Variants in ZMYM4 observed in about 807,000 individuals in gnomAD.
ZMYM4 encodes zinc finger MYM-type protein 4.
In ZMYM4, 31 loss-of-function variants were observed where a neutral mutation model predicts 183.2. The ratio of observed to expected loss-of-function variants is 0.17; its 90% CI spans 0.13 to 0.23. The LOEUF (loss-of-function observed/expected upper bound fraction) is 0.23, where lower values mean the gene tolerates loss of function less well. Among genes scored for constraint, ZMYM4 ranks in the 10% least tolerant of loss-of-function variants. The pLI, the probability that ZMYM4 is intolerant of heterozygous loss-of-function variation, is 1.00. For synonymous variants in ZMYM4, 592 were observed against 631.2 expected (o/e 0.94, Z 0.93); for missense variants, 1,273 against 1,840.3 (o/e 0.69, Z 5.64).
intron 7 of ZMYM4, among the ~76,000 whole-genome samples, chr1:35,378,920 G>A (rs1343131413): frequency 1.3e-5 from 2 of 152,170 alleles, no homozygotes; most frequent in East Asian, 3.9e-4. Flanking sequence ...AACCGTATGA[G>A]CTAACCTCTG....
intron 1 of ZMYM4, among the ~76,000 whole-genome samples, chr1:35,279,732 T>C (rs1273767014): frequency 1.3e-5 from 2 of 152,226 alleles, no homozygotes; most frequent in Non-Finnish European, 2.9e-5. Flanking sequence ...GGCTTCCAGA[T>C]TCTCCTTTCT....
At chr1:35,312,095 T>G (rs1325897557) in intron 1 of ZMYM4, among the ~76,000 whole-genome samples, 1 of 152,114 alleles carries the variant, frequency 6.6e-6, no homozygotes. Flanking sequence ...ATGGAAAGTC[T>G]GTAGTTATAA....
chr1:35,302,327 C>G (rs1424977989), intron 1 of ZMYM4, among the ~76,000 whole-genome samples: 1 of 149,802 alleles, frequency 6.7e-6, no homozygotes, highest in African/African-American at 2.5e-5. Flanking sequence ...CTGCCTCAGC[C>G]TCTGGAGAAG....
At chr1:35,316,258 T>C (rs1642040569) in intron 1 of ZMYM4, among the ~76,000 whole-genome samples, 1 of 152,186 alleles carries the variant, frequency 6.6e-6, no homozygotes, top group South Asian at 2.1e-4. Flanking sequence ...TATTACAGTA[T>C]TGAAATTAGT....
chr1:35,387,272 C>T lies in ZMYM4; in HGVS notation c.2106C>T (p.Asp702=). Residue 702 remains aspartate (D), a synonymous_variant, in exon 12 of 30, where the codon GAC becomes GAT. Transcript: ENST00000314607. ...TTGCCACAAAACCAGAACTTCTTGA[C>T]TATAAGGTAAAGTATAGCATGTTCA... ...RLFATKPELL[D]YKGKMFQFCG... The T allele has an allele frequency of 6.2e-7, 1 of 1,613,846 alleles. No homozygotes were observed. The highest frequency in any genetic ancestry group is 8.5e-7 in the Non-Finnish European group (1 of 1,179,812).
intron 2 of ZMYM4, among the ~76,000 whole-genome samples, chr1:35,348,429 C>G (rs987719127): frequency 6.6e-6 from 1 of 152,180 alleles, no homozygotes; most frequent in East Asian, 1.9e-4. Flanking sequence ...TGATACACTT[C>G]GCTTTCTGTT....
At chr1:35,378,946 T>G (rs899327403) in intron 7 of ZMYM4, among the ~76,000 whole-genome samples, 1 of 152,232 alleles carries the variant, frequency 6.6e-6, no homozygotes, top group African/African-American at 2.4e-5. Flanking sequence ...TCTAAACTTC[T>G]GCAGCTTCTT....
intron 1 of ZMYM4, among the ~76,000 whole-genome samples, chr1:35,293,103 C>T (rs1640841657): frequency 1.3e-5 from 2 of 151,096 alleles, no homozygotes; most frequent in Admixed American, 1.3e-4. Flanking sequence ...TAGGCTCAAG[C>T]AACCCTCCCA....
intron 2 of ZMYM4, among the ~76,000 whole-genome samples, chr1:35,352,844 C>T (rs541623556): frequency 6.6e-6 from 1 of 152,286 alleles, no homozygotes; most frequent in South Asian, 2.1e-4. Context: ...TAAATAAACT[C>T]ACTGGGTGAT....
intron 23 of ZMYM4, chr1:35,404,743 T>G (rs1644971223): frequency 8.9e-6 from 2 of 225,838 alleles, no homozygotes; most frequent in Non-Finnish European, 8.6e-6. Context: ...TATTCATACC[T>G]CATCAGGTGA....
chr1:35,317,857 T>C (rs984708221), intron 1 of ZMYM4, among the ~76,000 whole-genome samples: 1 of 152,134 alleles, frequency 6.6e-6, no homozygotes, highest in African/African-American at 2.4e-5. Context: ...TGTGTAGATA[T>C]GTCACCTGAA....
chr1:35,307,179 T>TTTGAATTCTTAGTAGTATCA (rs1553165310), intron 1 of ZMYM4, among the ~76,000 whole-genome samples: 3 of 152,208 alleles, frequency 2.0e-5, no homozygotes, highest in Admixed American at 1.3e-4. Flanking sequence ...ACTTTCATCT[T>TTTGAATTCTTAGTAGTATCA]TTGAATTCTT....
chr1:35,388,761 C>G (rs1644637153), intron 13 of ZMYM4, 149 bp from the exon 14 acceptor site: 1 of 660,352 alleles, frequency 1.5e-6, no homozygotes, highest in Non-Finnish European at 2.6e-6. Flanking sequence ...TGGTCTCAAA[C>G]TCCTGGGCTC....
chr1:35,309,904 G>T (rs1311689128), intron 1 of ZMYM4, among the ~76,000 whole-genome samples: 2 of 149,026 alleles, frequency 1.3e-5, no homozygotes, highest in Non-Finnish European at 3.0e-5. Context: ...ATTTTGTGGG[G>T]TTTTTTTGTG....
At chr1:35,278,970 A>C (rs890702685) in intron 1 of ZMYM4, among the ~76,000 whole-genome samples, 1 of 152,172 alleles carries the variant, frequency 6.6e-6, no homozygotes, top group Admixed American at 6.5e-5. Flanking sequence ...GGAAAGAATA[A>C]AGGATCTCCG....
At chr1:35,380,527 CG>C (rs1292084487) in intron 7 of ZMYM4, among the ~76,000 whole-genome samples, 1 of 152,050 alleles carries the variant, frequency 6.6e-6, no homozygotes, top group African/African-American at 2.4e-5. Flanking sequence ...GGGGTTTCAC[CG>C]TGTTAGCCAG....
In ZMYM4 at chr1:35,361,275, G is replaced by A. The variant is rs987734347; in HGVS notation, c.669+20G>A. On this transcript the variant is annotated intron_variant, in intron 4 of 29. Transcript: ENST00000314607. ...TTTAGGGTAAGTTTTCAGTGTGTAT[G>A]TAGATTGCTGTAACTGTGACAAGTG... The A allele has an allele frequency of 4.4e-6, 7 of 1,583,824 alleles. No homozygotes were observed. The highest frequency in any genetic ancestry group is 6.0e-6 in the Non-Finnish European group (7 of 1,166,632).
chr1:35,360,346 G>A (rs566075016), intron 3 of ZMYM4, among the ~76,000 whole-genome samples: 1 of 152,148 alleles, frequency 6.6e-6, no homozygotes, highest in South Asian at 2.1e-4. Context: ...CTAACCTGGT[G>A]TAGTAAAATA....
chr1:35,414,009 C>T lies in ZMYM4; in HGVS notation c.3986C>T (p.Thr1329Ile), dbSNP rs769633190. 6.3e-7 allele frequency: 1 copy of T among 1,587,640 alleles called. No individual in the cohort carries two copies. Among genetic ancestry groups the T allele is most frequent in the South Asian group, 1.2e-5 (1 of 84,776 alleles). The stretch of plus-strand genomic sequence containing the variant: ...AATGGTAGAATAGATAACATTTTTA[C>T]TGAGCCCTATTCCAGATTTATGATT... ...FENGRIDNIFTEPYSRFMIEL... is the reference protein window; with the variant it reads ...FENGRIDNIFIEPYSRFMIEL... The change falls in exon 27 of 30, where the codon ACT becomes ATT. Residue 1329 changes from threonine (T) to isoleucine (I), a missense_variant. By Grantham distance (89) the Thr-to-Ile change is moderately conservative. Transcript: ENST00000314607.
Sources: gnomAD v4.1 joint callset for allele counts (sites outside exome capture counted in the v4.1 genomes callset) on GRCh38, gnomAD v4.1.1 for gene constraint, MANE v1.5 for transcripts, NCBI Gene and HGNC (gene_info 2026-07-23, HGNC 2026-07-21) for gene names.